VAV3: variants seen among roughly 807,000 people sequenced by gnomAD.
The protein encoded by VAV3 is vav guanine nucleotide exchange factor 3, also known as guanine nucleotide exchange factor VAV3.
A neutral mutation model predicts 131.2 loss-of-function variants in VAV3; 94 were observed. The ratio of observed to expected loss-of-function variants is 0.72; its 90% CI spans 0.61 to 0.85. VAV3 has a LOEUF of 0.85. VAV3 is among the 40% of genes least tolerant of loss of function. The probability of loss-of-function intolerance (pLI) is 0.00; values close to 1 mark genes in which losing one functional copy is unlikely to be tolerated. For missense variants in VAV3, 939 were observed against 1,002.7 expected (o/e 0.94, Z 0.86); for synonymous variants, 349 against 342.0 (o/e 1.02, Z -0.22).
At chr1:107,856,830 A>C (rs1305832303) in intron 2 of VAV3, among the ~76,000 whole-genome samples, 3 of 152,178 alleles carry the variant, frequency 2.0e-5, no homozygotes, top group African/African-American at 7.2e-5. Flanking sequence ...TGAGCACAGG[A>C]GTTCAAGACC....
At chr1:107,956,974 G>A (rs1406351931) in intron 1 of VAV3, among the ~76,000 whole-genome samples, 1 of 152,156 alleles carries the variant, frequency 6.6e-6, no homozygotes, top group Non-Finnish European at 1.5e-5. Flanking sequence ...TTAAGAGGTG[G>A]TAGAAGCAAT....
chr1:107,845,959 G>A (rs1039586213), intron 2 of VAV3, among the ~76,000 whole-genome samples: 2 of 152,028 alleles, frequency 1.3e-5, no homozygotes, highest in African/African-American at 2.4e-5. Flanking sequence ...ATACCACTAA[G>A]ATACTCCACG....
chr1:107,714,899 ATTTTAT>A (rs1661003222), intron 15 of VAV3, among the ~76,000 whole-genome samples: 2 of 152,192 alleles, frequency 1.3e-5, no homozygotes, highest in South Asian at 4.1e-4. Context: ...ACACTTCTTT[ATTTTAT>A]TCAAGATGGG....
intron 17 of VAV3, among the ~76,000 whole-genome samples, chr1:107,688,789 C>T (rs1264675515): frequency 6.6e-6 from 1 of 152,134 alleles, no homozygotes; most frequent in Non-Finnish European, 1.5e-5. Context: ...TCTAAAAACA[C>T]TAAGCTAACA....
chr1:107,826,517 T>C (rs1294675913), intron 2 of VAV3, among the ~76,000 whole-genome samples: 1 of 152,212 alleles, frequency 6.6e-6, no homozygotes, highest in African/African-American at 2.4e-5. Context: ...AAGTGTCGTT[T>C]TTGGAAAAAA....
chr1:107,874,982 C>T lies in VAV3; in HGVS notation c.240G>A (p.Thr80=), dbSNP rs750871358. 5.6e-6 allele frequency: 9 copies of T among 1,613,108 alleles called. No individual in the cohort carries two copies. The highest frequency in any genetic ancestry group is 1.3e-5 in the African/African-American group (1 of 74,818). ...LCLKNIRTFL[T]ACCETFGMRK... is the part of the protein sequence containing the mutation. ...TCATTCCAAACGTCTCACAACAGGC[C>T]GTGAGAAATGTCCTTATGTTCTTCA... The change falls in exon 2 of 27, where the codon ACG becomes ACA. Residue 80 remains threonine, a synonymous_variant. Coordinates refer to ENST00000370056, the MANE Select transcript of VAV3 (RefSeq NM_006113.5).
chr1:107,913,096 G>A (rs553150082), intron 1 of VAV3, among the ~76,000 whole-genome samples: 1 of 152,244 alleles, frequency 6.6e-6, no homozygotes, highest in South Asian at 2.1e-4. Flanking sequence ...CCTATCAAGA[G>A]CACAAATATA....
intron 19 of VAV3, among the ~76,000 whole-genome samples, chr1:107,674,211 T>C (rs1387496687): frequency 6.6e-6 from 1 of 152,230 alleles, no homozygotes; most frequent in Non-Finnish European, 1.5e-5. Context: ...GAAATTATTC[T>C]TTCCATTTCC....
chr1:107,957,672 T>A (rs1674881583), intron 1 of VAV3, among the ~76,000 whole-genome samples: 1 of 151,518 alleles, frequency 6.6e-6, no homozygotes, highest in East Asian at 1.9e-4. Flanking sequence ...TAATAAGAGG[T>A]ACAAGAGAAT....
chr1:107,585,361 T>G (rs1400218220), intron 25 of VAV3, among the ~76,000 whole-genome samples: 3 of 150,128 alleles, frequency 2.0e-5, no homozygotes, highest in Admixed American at 6.6e-5. Context: ...ATTTTCATGG[T>G]TTTTTTTATT....
chr1:107,621,355 TCTA>T (rs1653587807), intron 20 of VAV3, among the ~76,000 whole-genome samples: 2 of 152,066 alleles, frequency 1.3e-5, no homozygotes, highest in African/African-American at 4.8e-5. Flanking sequence ...TATAATAACT[TCTA>T]CTTATTAAAA....
chr1:107,579,535 T>C lies in VAV3; in HGVS notation c.2351-5337A>G, dbSNP rs185606755. On this transcript the variant is annotated intron_variant, in intron 25 of 26. Coordinates refer to ENST00000370056, the MANE Select transcript of VAV3 (RefSeq NM_006113.5). The stretch of plus-strand genomic sequence containing the variant: ...CTTTCTAAGTAAAGTGCTTTCTTTC[T>C]CTGCAATATGAAGTTAATCGTTCAG... 1.3e-4 allele frequency among the ~76,000 whole-genome samples: 20 copies of C among 152,328 alleles called. No individual in the cohort carries two copies. In the South Asian group the frequency reaches 1.7e-3, roughly 13 times the overall value.
intron 17 of VAV3, among the ~76,000 whole-genome samples, chr1:107,696,983 G>T (rs1570771283): frequency 6.6e-6 from 1 of 152,286 alleles, no homozygotes; most frequent in East Asian, 1.9e-4. Flanking sequence ...TCAATGTTGA[G>T]CTTGAGAAGC....
At chr1:107,884,711 A>C (rs551867323) in intron 1 of VAV3, among the ~76,000 whole-genome samples, 1 of 151,992 alleles carries the variant, frequency 6.6e-6, no homozygotes, top group African/African-American at 2.4e-5. Context: ...TAACCTCCCA[A>C]AGTGCTGGGA....
At chr1:107,898,123 T>A (rs11185206) in intron 1 of VAV3, among the ~76,000 whole-genome samples, 33,846 of 151,548 alleles carry the variant, frequency 0.22, 3,879 homozygotes, top group African/African-American at 0.27. Context: ...AGGAAGCAGA[T>A]CAAAACTCAG....
At chr1:107,827,032 T>C (rs550484841) in intron 2 of VAV3, among the ~76,000 whole-genome samples, 1 of 152,298 alleles carries the variant, frequency 6.6e-6, no homozygotes, top group Non-Finnish European at 1.5e-5. Context: ...AAAGTTAGTA[T>C]GCTGTAATAG....
chr1:107,874,953 T>A lies in VAV3; in HGVS notation c.269A>T (p.Lys90Ile). 2 of 1,613,432 alleles carry A rather than the reference T, an allele frequency of 1.2e-6. No homozygotes were observed. The highest frequency in any genetic ancestry group is 1.7e-6 in the Non-Finnish European group (2 of 1,179,580). The change falls in exon 2 of 27, where the codon AAA (lysine) becomes ATA (isoleucine). Residue 90 changes from lysine (K) to isoleucine (I), a missense_variant. Coordinates refer to ENST00000370056, the MANE Select transcript of VAV3 (RefSeq NM_006113.5). Reference sequence around the variant, plus strand: ...GTCAAATGCCTCGAAAAGTTCACTTTTCCTCATTCCAAACGTCTCACAACA... The same window carrying A: ...GTCAAATGCCTCGAAAAGTTCACTTATCCTCATTCCAAACGTCTCACAACA... Reference protein sequence around the residue: ...TACCETFGMRKSELFEAFDLF... With the variant: ...TACCETFGMRISELFEAFDLF...
intron 1 of VAV3, among the ~76,000 whole-genome samples, chr1:107,908,347 T>C (rs115068682): frequency 0.024 from 3,604 of 152,324 alleles, 51 homozygotes; most frequent in Non-Finnish European, 0.036. Context: ...TCATAGGTGG[T>C]GGCTTCCTAT....
chr1:107,914,921 C>T (rs1381165495), intron 1 of VAV3, among the ~76,000 whole-genome samples: 2 of 152,100 alleles, frequency 1.3e-5, no homozygotes, highest in African/African-American at 4.8e-5. Flanking sequence ...AAGGGCAAAC[C>T]CTGCAGGTGG....
Sources: allele counts gnomAD v4.1 joint callset (sites outside exome capture counted in the v4.1 genomes callset), GRCh38; gene constraint gnomAD v4.1.1; transcripts MANE v1.5; gene names NCBI Gene and HGNC (gene_info 2026-07-23, HGNC 2026-07-21).